The following NRK variants were observed in gnomAD, a reference collection of about 807,000 sequenced individuals.
The protein encoded by NRK is Nik related kinase, also known as nik-related protein kinase.
NRK carries 67 observed loss-of-function variants against 125.2 expected under a neutral mutation model. The observed-to-expected ratio is 0.54, with a 90% confidence interval of 0.44 to 0.66. The LOEUF (loss-of-function observed/expected upper bound fraction) is 0.66, where lower values mean the gene tolerates loss of function less well. Among genes scored for constraint, NRK ranks in the 30% least tolerant of loss-of-function variants. NRK has a pLI of 0.00. For missense variants in NRK, 1,224 were observed against 1,192.9 expected (o/e 1.03, Z -0.38); for synonymous variants, 458 against 429.0 (o/e 1.07, Z -0.84).
intron 2 of NRK, among the ~76,000 whole-genome samples, chrX:105,877,709 C>T (rs889919592): frequency 7.2e-5 from 8 of 110,748 alleles, no homozygotes; most frequent in African/African-American, 1.6e-4. Context: ...TACATGGTTC[C>T]GAGACCTGGA....
chrX:105,921,508 A>G (rs2040447017), intron 16 of NRK, among the ~76,000 whole-genome samples: 1 of 107,399 alleles, frequency 9.3e-6, no homozygotes, highest in Admixed American at 1.0e-4. Context: ...TGAAGAATGA[A>G]CTCTCCTCTT....
intron 13 of NRK, among the ~76,000 whole-genome samples, chrX:105,911,101 C>T (rs1230858888): frequency 9.0e-6 from 1 of 111,487 alleles, no homozygotes; most frequent in East Asian, 2.8e-4. Context: ...CTTCCCCTCT[C>T]TTCTTCTGTG....
chrX:105,830,309 C>A (rs1291672213), intron 1 of NRK, among the ~76,000 whole-genome samples: 5 of 55,629 alleles, frequency 9.0e-5, no homozygotes, highest in Non-Finnish European at 1.5e-4. Context: ...AGTGAAACTC[C>A]GTCGCAAAAA....
At chrX:105,887,691 T>A (rs945144612) in intron 4 of NRK, among the ~76,000 whole-genome samples, 3 of 112,093 alleles carry the variant, frequency 2.7e-5, no homozygotes, top group Non-Finnish European at 3.8e-5. Flanking sequence ...TGAAAAGAAC[T>A]AGTCACAAAA....
chrX:105,863,269 C>A (rs1225381709), intron 2 of NRK, among the ~76,000 whole-genome samples: 1 of 109,369 alleles, frequency 9.1e-6, no homozygotes, highest in Non-Finnish European at 1.9e-5. Flanking sequence ...TTTGTTTTAA[C>A]ACCCTTTATT....
At chrX:105,904,711 A>G (rs2040199185) in intron 9 of NRK, among the ~76,000 whole-genome samples, 1 of 111,617 alleles carries the variant, frequency 9.0e-6, no homozygotes, top group African/African-American at 3.3e-5. Flanking sequence ...TCACAAAGGT[A>G]GAGCTAGGTT....
rs1431647242 is a variant in NRK at position 105,923,907 on chromosome X, ATATATATATATATATATATG to A, written c.2975+427_2975+446del. On this transcript the variant is annotated intron_variant, in intron 18 of 28. Transcript: ENST00000243300. ...GTGATATCACTATATATATATATAT[ATATATATATATATATATATG>A]TGAAATTTAAGATGATCTTTATCTG... Among the ~76,000 whole-genome samples, 215 of 87,379 alleles carry A rather than the reference ATATATATATATATATATATG, an allele frequency of 2.5e-3. 5 individuals are homozygous for A. Among genetic ancestry groups the A allele is most frequent in the African/African-American group, 0.01 (208 of 20,753 alleles). 75.9% of individuals were successfully genotyped at this position (87,379 alleles called of 115,157 possible).
At chrX:105,864,125 AACTCATATAATG>A (rs2039638978) in intron 2 of NRK, among the ~76,000 whole-genome samples, 6 of 112,486 alleles carry the variant, frequency 5.3e-5, no homozygotes, top group African/African-American at 1.9e-4. Context: ...TGCTGAGTTT[AACTCATATAATG>A]AGAGGCAGAG....
intron 16 of NRK, among the ~76,000 whole-genome samples, chrX:105,921,427 C>G (rs1471713672): frequency 1.9e-5 from 2 of 105,547 alleles, no homozygotes; most frequent in African/African-American, 7.0e-5. Flanking sequence ...CACATGTATA[C>G]ATATGTAACT....
chrX:105,939,768 C>T lies in NRK; in HGVS notation c.3800-106C>T, dbSNP rs932132607. ...GCAGTTTTTTTTAAGGTGCTTTTTACGTTAATAAAGATATTTTTAAAAGGC... is the reference window on the plus strand; with the variant it reads ...GCAGTTTTTTTTAAGGTGCTTTTTATGTTAATAAAGATATTTTTAAAAGGC... On this transcript the variant is annotated intron_variant, in intron 22 of 28. Coordinates refer to ENST00000243300, the MANE Select transcript of NRK (RefSeq NM_198465.4). 132 of 461,935 alleles carry T rather than the reference C, an allele frequency of 2.9e-4. No individual in the cohort carries two copies. The East Asian group carries it at 4.9e-3, about 17-fold the overall frequency. 38.1% of individuals were successfully genotyped at this position (461,935 alleles called of 1,213,427 possible).
intron 1 of NRK, 61 bp from the exon 2 acceptor site, chrX:105,830,991 GAT>G: frequency 1.5e-6 from 1 of 673,044 alleles, no homozygotes; most frequent in Non-Finnish European, 2.3e-6. Flanking sequence ...TTAAAAAAAA[GAT>G]AGTTGAATGC....
At chrX:105,834,502 A>G (rs1464823812) in intron 2 of NRK, among the ~76,000 whole-genome samples, 1 of 110,124 alleles carries the variant, frequency 9.1e-6, no homozygotes, top group Non-Finnish European at 1.9e-5. Flanking sequence ...GATAATGGTT[A>G]GAGATCTTTG....
chrX:105,835,905 T>C (rs1420312279), intron 2 of NRK, among the ~76,000 whole-genome samples: 1 of 111,855 alleles, frequency 8.9e-6, no homozygotes, highest in East Asian at 2.8e-4. Context: ...AGCAGTTCAC[T>C]AAAAATTTGC....
At chrX:105,948,055 T>C (rs1421552955) in intron 26 of NRK, among the ~76,000 whole-genome samples, 1 of 111,581 alleles carries the variant, frequency 9.0e-6, no homozygotes, top group Non-Finnish European at 1.9e-5. Context: ...TGGAGTGTCT[T>C]CCGTAGCTTC....
intron 19 of NRK, among the ~76,000 whole-genome samples, chrX:105,930,258 C>T (rs1438434644): frequency 9.1e-6 from 1 of 109,542 alleles, no homozygotes; most frequent in Non-Finnish European, 1.9e-5. Flanking sequence ...TCTCTTTATT[C>T]TTTTTTTTTC....
chrX:105,920,705 A>G (rs1323293463), intron 16 of NRK, among the ~76,000 whole-genome samples: 2 of 109,961 alleles, frequency 1.8e-5, no homozygotes, highest in Non-Finnish European at 3.8e-5. Flanking sequence ...GAAGACATTT[A>G]TGCAGCCAAA....
intron 2 of NRK, among the ~76,000 whole-genome samples, chrX:105,864,961 A>G (rs1323782125): frequency 1.8e-5 from 2 of 111,345 alleles, no homozygotes; most frequent in East Asian, 5.7e-4. Context: ...AATATCACCC[A>G]GTGAAAAGCA....
At chrX:105,945,762 G>T in intron 24 of NRK, 110 bp from the exon 25 acceptor site, 1 of 620,513 alleles carries the variant, frequency 1.6e-6, no homozygotes, top group Non-Finnish European at 2.6e-6. Flanking sequence ...TCTGATCTTG[G>T]CAATGAATCC....
chrX:105,926,727 C>T (rs2040528729), intron 19 of NRK, among the ~76,000 whole-genome samples: 1 of 110,797 alleles, frequency 9.0e-6, no homozygotes, highest in Non-Finnish European at 1.9e-5. Flanking sequence ...TTAGTTCTCC[C>T]AGCACCATTT....
Sources: gnomAD v4.1 joint callset for allele counts (sites outside exome capture counted in the v4.1 genomes callset) on GRCh38, gnomAD v4.1.1 for gene constraint, MANE v1.5 for transcripts, NCBI Gene and HGNC (gene_info 2026-07-23, HGNC 2026-07-21) for gene names.